Variants in CNTLN observed in about 807,000 individuals in gnomAD.
CNTLN encodes centlein, centrosomal protein.
CNTLN carries 212 observed loss-of-function variants against 180.0 expected under a neutral mutation model. The observed-to-expected ratio is 1.18, with a 90% CI of 1.05 to 1.32. The LOEUF (loss-of-function observed/expected upper bound fraction) is 1.32. Ranked by LOEUF, CNTLN falls within the 40% of genes most tolerant of loss-of-function variation. The pLI is 0.00. For synonymous variants in CNTLN, 722 were observed against 563.1 expected, an observed-to-expected ratio of 1.28 and a Z score of -3.99; for missense variants, 2,095 against 1,610.9, an observed-to-expected ratio of 1.30 and a Z score of -5.14.
intron 2 of CNTLN, among the ~76,000 whole-genome samples, chr9:17,188,885 C>T (rs950693051): frequency 6.0e-5 from 9 of 151,238 alleles, no homozygotes; most frequent in African/African-American, 2.2e-4. Flanking sequence ...CTTTTTTTTC[C>T]CTCCAGATTA....
At chr9:17,355,044 AAACTCGG>A (rs1822719568) in intron 12 of CNTLN, among the ~76,000 whole-genome samples, 1 of 152,062 alleles carries the variant, frequency 6.6e-6, no homozygotes, top group Non-Finnish European at 1.5e-5. Context: ...CAGAAGGAAG[AAACTCGG>A]AACACATCTG....
At chr9:17,244,550 A>G (rs1460197801) in intron 5 of CNTLN, among the ~76,000 whole-genome samples, 2 of 151,974 alleles carry the variant, frequency 1.3e-5, no homozygotes, top group Admixed American at 1.3e-4. Flanking sequence ...CAGATCATTG[A>G]GTCTTGCTTT....
intron 2 of CNTLN, among the ~76,000 whole-genome samples, chr9:17,163,592 CA>C (rs1819836648): frequency 6.6e-6 from 1 of 152,268 alleles, no homozygotes; most frequent in African/African-American, 2.4e-5. Context: ...ATATTTTCCA[CA>C]GTGCTTATTA....
In CNTLN at chr9:17,387,943, T is replaced by C. The variant is rs1160168825; in HGVS notation, c.1988-219T>C. Among the ~76,000 whole-genome samples the C allele has an allele frequency of 1.1e-4, 8 of 71,600 alleles. No individual in the cohort carries two copies. In the Admixed American group the frequency reaches 1.4e-3, roughly 12 times the overall value. The allele number at this position is 71,600 out of a possible 152,430, so 47.0% of individuals were successfully genotyped here. On this transcript the variant is annotated intron_variant, in intron 13 of 25. Transcript: ENST00000380647. ...TCTATTGTACTTTTGAAAAATCTTA[T>C]ACTGAAAAAAAAAAAAAAAGGTGGC...
chr9:17,269,128 G>A (rs59833414), intron 5 of CNTLN, among the ~76,000 whole-genome samples: 38,535 of 151,996 alleles, frequency 0.25, 5,001 homozygotes, highest in South Asian at 0.36. Context: ...CTTCTGCATC[G>A]CTCATGCTGG....
At chr9:17,204,644 G>A (rs992528148) in intron 2 of CNTLN, among the ~76,000 whole-genome samples, 1 of 152,156 alleles carries the variant, frequency 6.6e-6, no homozygotes, top group African/African-American at 2.4e-5. Flanking sequence ...CAGAAGGCAT[G>A]GGGGTTAGGG....
Position 17,179,920 on chromosome 9 carries a change from G to A in CNTLN, c.449+36544G>A, listed in dbSNP as rs117859318. 7.9e-3 allele frequency among the ~76,000 whole-genome samples: 1,201 copies of A among 152,056 alleles called. 28 individuals carry two copies. The highest frequency in any genetic ancestry group is 0.064 in the South Asian group (308 of 4,830). ...GTAGATTCTTTTATCATTGTATAAT[G>A]TCCCTTACTTTCCCTAGTAATTTTC... is the stretch of plus-strand genomic sequence containing the variant. On this transcript the variant is annotated intron_variant, in intron 2 of 25. Transcript: ENST00000380647.
chr9:17,328,149 T>A (rs564645624), intron 8 of CNTLN, among the ~76,000 whole-genome samples: 3 of 152,330 alleles, frequency 2.0e-5, no homozygotes, highest in African/African-American at 7.2e-5. Flanking sequence ...TTTTGTACCC[T>A]ACTTTTCTCA....
At chr9:17,459,622 C>T (rs1289132191) in intron 19 of CNTLN, among the ~76,000 whole-genome samples, 1 of 151,578 alleles carries the variant, frequency 6.6e-6, no homozygotes, top group African/African-American at 2.4e-5. Flanking sequence ...AAATAGCAAA[C>T]GTATATATTA....
At chr9:17,476,432 A>G (rs1832349855) in intron 23 of CNTLN, among the ~76,000 whole-genome samples, 1 of 152,152 alleles carries the variant, frequency 6.6e-6, no homozygotes, top group Admixed American at 6.5e-5. Context: ...AAGCTAGAAA[A>G]ACTTAGTGAG....
chr9:17,428,224 G>A (rs1262837151), intron 18 of CNTLN, among the ~76,000 whole-genome samples: 1 of 152,072 alleles, frequency 6.6e-6, no homozygotes, highest in African/African-American at 2.4e-5. Flanking sequence ...TCAACTTCAT[G>A]AGTACACTGC....
At chr9:17,266,581 C>T (rs1295107818) in intron 5 of CNTLN, among the ~76,000 whole-genome samples, 1 of 152,026 alleles carries the variant, frequency 6.6e-6, no homozygotes, top group African/African-American at 2.4e-5. Context: ...GAGTTCAATT[C>T]CTGGGTATCC....
chr9:17,499,888 C>A (rs1833653168), intron 25 of CNTLN, among the ~76,000 whole-genome samples: 1 of 151,932 alleles, frequency 6.6e-6, no homozygotes, highest in Non-Finnish European at 1.5e-5. Flanking sequence ...GTAGAGTGAG[C>A]ACTGGGTTTA....
intron 8 of CNTLN, among the ~76,000 whole-genome samples, chr9:17,325,785 CT>C (rs932779764): frequency 1.3e-5 from 2 of 151,960 alleles, no homozygotes; most frequent in African/African-American, 4.8e-5. Context: ...GAACTAAACA[CT>C]TTTTTGCTAA....
At chr9:17,390,182 C>T (rs943736882) in intron 14 of CNTLN, among the ~76,000 whole-genome samples, 17 of 148,470 alleles carry the variant, frequency 1.1e-4, no homozygotes, top group Admixed American at 1.1e-3. Context: ...CTAATACACA[C>T]ATTTCATAGC....
At chr9:17,490,104 A>G (rs1257121680) in intron 25 of CNTLN, among the ~76,000 whole-genome samples, 2 of 152,174 alleles carry the variant, frequency 1.3e-5, no homozygotes, top group African/African-American at 4.8e-5. Context: ...AGAAATAGGA[A>G]AAGTAGGCTG....
chr9:17,252,862 T>C (rs1316793600), intron 5 of CNTLN, among the ~76,000 whole-genome samples: 1 of 149,680 alleles, frequency 6.7e-6, no homozygotes, highest in Non-Finnish European at 1.5e-5. Context: ...TTGGAGAGTT[T>C]TCTCTATGTT....
intron 14 of CNTLN, 30 bp from the exon 15 acceptor site, chr9:17,394,504 A>T (rs1357156207): frequency 2.1e-6 from 3 of 1,399,298 alleles, no homozygotes; most frequent in Non-Finnish European, 2.9e-6. Context: ...TGGTTTTTGG[A>T]TTCTTAAAAG....
rs1050265442 is a variant in CNTLN at position 17,199,282 on chromosome 9, G to T, written c.450-26921G>T. On this transcript the variant is annotated intron_variant, in intron 2 of 25. Transcript: ENST00000380647. ...GCTGGAGTGCAGTGGCATAGTCTTG[G>T]CTCACTGCAACCTCTGCCTCCCGGG... Among the ~76,000 whole-genome samples, 37 of 146,556 alleles carry T rather than the reference G, an allele frequency of 2.5e-4. No homozygotes were observed. In the Admixed American group the frequency reaches 2.6e-3, roughly 10 times the overall value.
Sources: gnomAD v4.1 joint callset for allele counts (sites outside exome capture counted in the v4.1 genomes callset) on GRCh38, gnomAD v4.1.1 for gene constraint, MANE v1.5 for transcripts, NCBI Gene and HGNC (gene_info 2026-07-23, HGNC 2026-07-21) for gene names.